Variants in DMRT1 observed in about 807,000 individuals in gnomAD.
DMRT1 encodes doublesex- and mab-3-related transcription factor 1.
A neutral mutation model predicts 32.3 loss-of-function variants in DMRT1; 7 were observed. The ratio of observed to expected loss-of-function variants is 0.22; its 90% confidence interval spans 0.12 to 0.41. The LOEUF is 0.41. Among genes scored for constraint, DMRT1 ranks in the 10% least tolerant of loss-of-function variants. The pLI is 1.00. For synonymous variants in DMRT1, 278 were observed against 206.1 expected (o/e 1.35, Z -2.99); for missense variants, 625 against 500.5 (o/e 1.25, Z -2.37).
rs1023730917 is a variant in DMRT1 at position 963,755 on chromosome 9, T to C, written c.968-4230T>C. On this transcript the variant is annotated intron_variant, in intron 4 of 4. Transcript: ENST00000382276. ...GTTCCACTCTGGAAAAGAGTTCTATTGTGAAACATTAAATATATGCTAAGT... is the reference window on the plus strand; with the variant it reads ...GTTCCACTCTGGAAAAGAGTTCTATCGTGAAACATTAAATATATGCTAAGT... 2.6e-5 allele frequency among the ~76,000 whole-genome samples: 4 copies of C among 152,370 alleles called. No individual in the cohort carries two copies. In the East Asian group the frequency reaches 5.8e-4, roughly 22 times the overall value.
At chr9:947,148 T>G (rs1819273081) in intron 4 of DMRT1, among the ~76,000 whole-genome samples, 1 of 152,202 alleles carries the variant, frequency 6.6e-6, no homozygotes, top group Non-Finnish European at 1.5e-5. Context: ...GGAAAGAACC[T>G]AGTCCAAGCT....
chr9:916,957 A>C, intron 4 of DMRT1, 50 bp downstream of exon 4: 1 of 1,604,804 alleles, frequency 6.2e-7, no homozygotes, highest in Non-Finnish European at 8.5e-7. Context: ...GAGGATGGCT[A>C]TCCAGTATTG....
chr9:962,162 T>C (rs1213734843), intron 4 of DMRT1, among the ~76,000 whole-genome samples: 1 of 152,196 alleles, frequency 6.6e-6, no homozygotes, highest in African/African-American at 2.4e-5. Context: ...TATCACCAAA[T>C]GCGACACCCC....
intron 1 of DMRT1, among the ~76,000 whole-genome samples, chr9:843,480 T>C (rs993624971): frequency 5.3e-5 from 8 of 152,246 alleles, no homozygotes; most frequent in Admixed American, 5.2e-4. Context: ...TTAAGAATTT[T>C]AAAGAATATG....
chr9:937,309 G>A (rs1818919557), intron 4 of DMRT1, among the ~76,000 whole-genome samples: 1 of 152,206 alleles, frequency 6.6e-6, no homozygotes, highest in African/African-American at 2.4e-5. Flanking sequence ...GTGAAGTTTG[G>A]TGTACAAGTA....
intron 4 of DMRT1, among the ~76,000 whole-genome samples, chr9:954,161 G>T (rs1227999569): frequency 6.6e-6 from 1 of 152,114 alleles, no homozygotes. Context: ...TAAGCACGGG[G>T]AGAAGTGGGC....
intron 2 of DMRT1, among the ~76,000 whole-genome samples, chr9:855,560 A>G (rs1386588558): frequency 6.6e-6 from 1 of 152,282 alleles, no homozygotes; most frequent in African/African-American, 2.4e-5. Flanking sequence ...TAGACACCAG[A>G]GAATAAAACT....
At chr9:870,789 G>C (rs926406683) in intron 2 of DMRT1, among the ~76,000 whole-genome samples, 28 of 134,286 alleles carry the variant, frequency 2.1e-4, no homozygotes, top group African/African-American at 7.8e-4. Flanking sequence ...ATGGCTCACT[G>C]CACCCTCTAG....
intron 2 of DMRT1, among the ~76,000 whole-genome samples, chr9:877,847 G>A (rs2132623201): frequency 6.6e-6 from 1 of 152,286 alleles, no homozygotes. Flanking sequence ...AAAAGTCCAT[G>A]GAGGTGAGAA....
At chr9:931,459 G>T (rs1262349781) in intron 4 of DMRT1, among the ~76,000 whole-genome samples, 1 of 152,172 alleles carries the variant, frequency 6.6e-6, no homozygotes, top group Non-Finnish European at 1.5e-5. Context: ...CCCGTTTTGT[G>T]CTAATACTAT....
At chr9:957,821 CCAACA>C (rs1207549786) in intron 4 of DMRT1, among the ~76,000 whole-genome samples, 3 of 152,038 alleles carry the variant, frequency 2.0e-5, no homozygotes, top group Admixed American at 2.0e-4. Flanking sequence ...ACCAGCCTGA[CCAACA>C]TGGCGAAACA....
At chr9:931,105 A>T (rs1818711495) in intron 4 of DMRT1, among the ~76,000 whole-genome samples, 2 of 152,168 alleles carry the variant, frequency 1.3e-5, no homozygotes, top group African/African-American at 4.8e-5. Flanking sequence ...TATAAATGGG[A>T]TCATAGAATA....
At position 847,086 on chromosome 9, in the gene DMRT1, G is replaced by T. The variant is rs769033830; in HGVS notation, c.481G>T (p.Glu161Ter). 1 of 1,613,876 alleles carries T rather than the reference G, an allele frequency of 6.2e-7. No individual in the cohort carries two copies. Among genetic ancestry groups the T allele is most frequent in the Non-Finnish European group, 8.5e-7 (1 of 1,180,046 alleles). Reference sequence around the variant, plus strand: ...TGGCAGTAACCCGTGCCTCATGACTGAGTGCAGTGGCACCTCTCAGCCACC... The same window carrying T: ...TGGCAGTAACCCGTGCCTCATGACTTAGTGCAGTGGCACCTCTCAGCCACC... ...NNGSNPCLMT[E>*]CSGTSQPPPA... Residue 161 changes from glutamate (E) to a stop codon, truncating the protein, a stop_gained, in exon 2 of 5, where the codon GAG becomes TAG. Coordinates refer to ENST00000382276, the MANE Select transcript of DMRT1 (RefSeq NM_021951.3). LOFTEE classifies it high-confidence loss of function.
chr9:847,009 A>T lies in DMRT1; in HGVS notation c.404A>T (p.His135Leu). 6.2e-7 allele frequency: 1 copy of T among 1,614,044 alleles called. No homozygotes were observed. The change falls in exon 2 of 5, where the codon CAC becomes CTC. Residue 135 changes from histidine to leucine, a missense_variant. Coordinates refer to ENST00000382276, the MANE Select transcript of DMRT1 (RefSeq NM_021951.3). ...CAGGAGGAGGAATTGGGTATCAGCC[A>T]CCCCATCCCACTGCCCAGTGCGGCC... ...QAQEEELGIS[H>L]PIPLPSAAEL...
chr9:858,656 C>T (rs1341017879), intron 2 of DMRT1, among the ~76,000 whole-genome samples: 1 of 151,958 alleles, frequency 6.6e-6, no homozygotes. Context: ...GGCAGATCAT[C>T]TGAGGTCAGG....
chr9:933,356 A>G (rs1818787575), intron 4 of DMRT1, among the ~76,000 whole-genome samples: 1 of 152,220 alleles, frequency 6.6e-6, no homozygotes, highest in South Asian at 2.1e-4. Context: ...GGAAATTCCA[A>G]GGGTTTTAGG....
At chr9:861,801 C>G (rs10124747) in intron 2 of DMRT1, among the ~76,000 whole-genome samples, 1 of 50,492 alleles carries the variant, frequency 2.0e-5, no homozygotes, top group Admixed American at 2.0e-4. Context: ...GGGCGGCTGC[C>G]GGGCGGGGGG....
At chr9:871,356 T>G (rs1423392762) in intron 2 of DMRT1, among the ~76,000 whole-genome samples, 3 of 148,394 alleles carry the variant, frequency 2.0e-5, no homozygotes, top group African/African-American at 7.5e-5. Flanking sequence ...TTTTTGAGAC[T>G]GAGTCTTGCC....
At chr9:844,755 C>G (rs1383065422) in intron 1 of DMRT1, among the ~76,000 whole-genome samples, 1 of 138,042 alleles carries the variant, frequency 7.2e-6, no homozygotes, top group South Asian at 2.3e-4. Context: ...GAGTCTCGCT[C>G]TGTCCCCCAG....
Sources: gnomAD v4.1 joint callset for allele counts (sites outside exome capture counted in the v4.1 genomes callset) on GRCh38, gnomAD v4.1.1 for gene constraint, MANE v1.5 for transcripts, NCBI Gene and HGNC (gene_info 2026-07-23, HGNC 2026-07-21) for gene names.